The following NBEA variants were observed in gnomAD, a reference collection of about 807,000 sequenced individuals.
NBEA encodes lysosomal-trafficking regulator 2.
NBEA carries 44 observed loss-of-function variants against 343.4 expected under a neutral mutation model. The observed-to-expected ratio is 0.13, with a 90% CI of 0.10 to 0.16. The LOEUF is 0.16. Ranked by LOEUF, NBEA falls within the 10% of genes least tolerant of loss-of-function variation. The pLI is 1.00. For missense variants in NBEA, 2,555 were observed against 3,631.3 expected, an observed-to-expected ratio of 0.70 and a Z score of 7.62; for synonymous variants, 1,175 against 1,238.7, an observed-to-expected ratio of 0.95 and a Z score of 1.08.
intron 33 of NBEA, among the ~76,000 whole-genome samples, chr13:35,220,060 T>C (rs2152760610): frequency 6.6e-6 from 1 of 152,236 alleles, no homozygotes; most frequent in African/African-American, 2.4e-5. Context: ...TGAGAAACAG[T>C]GTGTAATTGA....
chr13:35,509,225 T>C (rs978243985), intron 41 of NBEA, among the ~76,000 whole-genome samples: 7 of 152,184 alleles, frequency 4.6e-5, no homozygotes, highest in Admixed American at 4.6e-4. Context: ...GGTAGCTGGT[T>C]CTTCTAATGA....
chr13:35,492,674 A>G (rs184817819), intron 41 of NBEA, among the ~76,000 whole-genome samples: 1 of 152,092 alleles, frequency 6.6e-6, no homozygotes, highest in East Asian at 1.9e-4. Flanking sequence ...TTTAGGATAA[A>G]CAGGTGGAGA....
intron 1 of NBEA, among the ~76,000 whole-genome samples, chr13:34,983,213 G>A (rs190019790): frequency 5.9e-5 from 9 of 151,916 alleles, no homozygotes; most frequent in East Asian, 1.9e-4. Context: ...GATGTTCCCC[G>A]CCCTGTGTCC....
chr13:35,330,747 C>T (rs1326139669), intron 36 of NBEA, among the ~76,000 whole-genome samples: 5 of 151,812 alleles, frequency 3.3e-5, no homozygotes, highest in African/African-American at 9.7e-5. Context: ...AGATTTTATC[C>T]GTGAGGAAAG....
At chr13:35,578,856 A>T (rs926168350) in intron 45 of NBEA, among the ~76,000 whole-genome samples, 2 of 152,204 alleles carry the variant, frequency 1.3e-5, no homozygotes, top group Non-Finnish European at 2.9e-5. Flanking sequence ...GCTTGGGAAC[A>T]GATCCAAGCC....
intron 10 of NBEA, among the ~76,000 whole-genome samples, chr13:35,087,076 T>C (rs140462402): frequency 6.6e-6 from 1 of 151,840 alleles, no homozygotes; most frequent in Non-Finnish European, 1.5e-5. Context: ...TTAGCAGATA[T>C]TTTCTCCAGT....
chr13:35,251,284 C>A, intron 34 of NBEA: 2 of 588,984 alleles, frequency 3.4e-6, no homozygotes, highest in Non-Finnish European at 2.2e-6. Flanking sequence ...GTAGCAGATT[C>A]ATAGTATGCC....
chr13:35,459,012 C>CA (rs1566163881), intron 40 of NBEA, among the ~76,000 whole-genome samples: 3 of 119,868 alleles, frequency 2.5e-5, no homozygotes, highest in Admixed American at 7.9e-5. Context: ...ACCGCCCCCC[C>CA]CCCCCCACAC....
intron 1 of NBEA, among the ~76,000 whole-genome samples, chr13:34,980,493 T>G (rs1265305697): frequency 6.7e-6 from 1 of 150,010 alleles, no homozygotes; most frequent in Non-Finnish European, 1.5e-5. Context: ...TAAATGCTAT[T>G]TGCTATGGTT....
intron 41 of NBEA, among the ~76,000 whole-genome samples, chr13:35,520,063 G>A (rs2077636866): frequency 6.6e-6 from 1 of 152,086 alleles, no homozygotes; most frequent in Admixed American, 6.6e-5. Flanking sequence ...ATGGTTTCAG[G>A]ATGAAACTGT....
intron 1 of NBEA, among the ~76,000 whole-genome samples, chr13:35,040,534 A>G (rs918295872): frequency 6.6e-6 from 1 of 152,040 alleles, no homozygotes; most frequent in African/African-American, 2.4e-5. Context: ...TTTGTCTGTA[A>G]GACTAGTAAT....
chr13:35,453,185 G>C (rs921060533), intron 40 of NBEA, among the ~76,000 whole-genome samples: 8 of 152,168 alleles, frequency 5.3e-5, no homozygotes, highest in Non-Finnish European at 7.4e-5. Flanking sequence ...ACTGGTTAGA[G>C]AGTTCTCTTT....
intron 48 of NBEA, among the ~76,000 whole-genome samples, chr13:35,625,851 G>T (rs1011447312): frequency 7.9e-5 from 12 of 152,074 alleles, no homozygotes; most frequent in African/African-American, 2.9e-4. Flanking sequence ...TTAGAAACCT[G>T]GATAATACTA....
intron 1 of NBEA, among the ~76,000 whole-genome samples, chr13:35,008,234 AC>A: frequency 6.6e-6 from 1 of 152,294 alleles, no homozygotes; most frequent in South Asian, 2.1e-4. Context: ...TTAAAAGTAT[AC>A]AGTTTAGTGG....
chr13:34,946,731 T>A (rs1028873589), intron 1 of NBEA, among the ~76,000 whole-genome samples: 1 of 151,318 alleles, frequency 6.6e-6, no homozygotes, highest in Non-Finnish European at 1.5e-5. Context: ...CTAAGTGGCA[T>A]GCTGTTGGCT....
rs541337400 is a variant in NBEA at position 35,084,805 on chromosome 13, G to A, written c.1572-13492G>A. The stretch of plus-strand genomic sequence containing the variant: ...CAATGAATCCAGGAGCTGGTTTTTT[G>A]AAAATATCAACAAAATTGATAGACC... On this transcript the variant is annotated intron_variant, in intron 10 of 58. Transcript: ENST00000379939. Among the ~76,000 whole-genome samples, 25 of 151,834 alleles carry A rather than the reference G, an allele frequency of 1.6e-4. 1 individual carries two copies. In the South Asian group the frequency reaches 4.8e-3, roughly 29 times the overall value.
At chr13:35,645,830 G>T in intron 49 of NBEA, 39 bp from the exon 50 acceptor site, 1 of 1,261,854 alleles carries the variant, frequency 7.9e-7, no homozygotes, top group East Asian at 2.5e-5. Flanking sequence ...TTGTATAATT[G>T]GTAGACTTCA....
rs562609463 is a variant in NBEA at position 35,012,522 on chromosome 13, G to GTAGA, written c.295-28410_295-28407dup. On this transcript the variant is annotated intron_variant, in intron 1 of 58. Coordinates refer to ENST00000379939, the MANE Select transcript of NBEA (RefSeq NM_001385012.1). ...GTCACTTTTGAGTACTTTACATGTG[G>GTAGA]TAGAGTCTTTAGTCCTGCAGCTATC... Among the ~76,000 whole-genome samples, 411 of 152,284 alleles carry GTAGA rather than the reference G, an allele frequency of 2.7e-3. 4 individuals are homozygous for GTAGA. The highest frequency in any genetic ancestry group is 9.6e-3 in the African/African-American group (397 of 41,548).
chr13:35,186,007 TTAA>T (rs1296409231), intron 30 of NBEA: 4 of 152,112 alleles, frequency 2.6e-5, no homozygotes, highest in South Asian at 2.1e-4. Context: ...GTTTCACAAT[TTAA>T]TAATAATTAT....
Sources: allele counts gnomAD v4.1 joint callset (sites outside exome capture counted in the v4.1 genomes callset), GRCh38; gene constraint gnomAD v4.1.1; transcripts MANE v1.5; gene names NCBI Gene and HGNC (gene_info 2026-07-23, HGNC 2026-07-21).